CREBL2: variants seen among roughly 807,000 people sequenced by gnomAD.
CREBL2 encodes the protein cAMP responsive element binding protein like 2.
In CREBL2, 4 loss-of-function variants were observed where a neutral mutation model predicts 19.5. The observed-to-expected ratio is 0.20, with a 90% CI of 0.10 to 0.47. The LOEUF is 0.47. CREBL2 is among the 20% of genes least tolerant of loss of function. CREBL2 has a pLI of 0.98. For missense variants in CREBL2, 85 were observed against 145.1 expected (o/e 0.59, Z 2.13); for synonymous variants, 42 against 46.6 (o/e 0.90, Z 0.40).
At chr12:12,629,573 A>G (rs540291221) in intron 1 of CREBL2, among the ~76,000 whole-genome samples, 27 of 152,274 alleles carry the variant, frequency 1.8e-4, no homozygotes, top group Non-Finnish European at 3.4e-4. Flanking sequence ...TGTCACCTTC[A>G]AGGAGATAGC....
chr12:12,622,815 A>G (rs1475343706), intron 1 of CREBL2, among the ~76,000 whole-genome samples: 1 of 150,514 alleles, frequency 6.6e-6, no homozygotes, highest in Non-Finnish European at 1.5e-5. Flanking sequence ...CCACATTCAT[A>G]TTTATCTTAA....
At position 12,625,226 on chromosome 12, in the gene CREBL2, G is replaced by A. The variant is rs897702673; in HGVS notation, c.16-10551G>A. On this transcript the variant is annotated intron_variant, in intron 1 of 3. Transcript: ENST00000228865. Reference sequence around the variant, plus strand: ...TTCGGCTTGAGGATGGGGTTTTGTCGGGGACCCACCCTTTTCTGTCTAGAA... The same window carrying A: ...TTCGGCTTGAGGATGGGGTTTTGTCAGGGACCCACCCTTTTCTGTCTAGAA... 8.5e-5 allele frequency among the ~76,000 whole-genome samples: 13 copies of A among 152,198 alleles called. No homozygotes were observed. The South Asian group carries it at 1.2e-3, about 15-fold the overall frequency.
At chr12:12,617,823 G>C (rs1297618217) in intron 1 of CREBL2, among the ~76,000 whole-genome samples, 1 of 151,424 alleles carries the variant, frequency 6.6e-6, no homozygotes, top group Non-Finnish European at 1.5e-5. Context: ...GCGGCCTTCC[G>C]CTGTGTTTGT....
intron 1 of CREBL2, among the ~76,000 whole-genome samples, chr12:12,618,635 C>A: frequency 6.6e-6 from 1 of 152,202 alleles, no homozygotes; most frequent in Non-Finnish European, 1.5e-5. Context: ...GGGTGGCGGC[C>A]GGGCAGAGGC....
intron 1 of CREBL2, chr12:12,632,582 A>AAT (rs1647588031): frequency 1.3e-5 from 2 of 152,262 alleles, no homozygotes; most frequent in South Asian, 4.2e-4. Context: ...TAAAAAGAGC[A>AAT]ATATATGAGG....
intron 1 of CREBL2, among the ~76,000 whole-genome samples, chr12:12,633,000 C>G (rs1204103990): frequency 6.6e-6 from 1 of 151,350 alleles, no homozygotes; most frequent in African/African-American, 2.4e-5. Flanking sequence ...GTGGCCCGAT[C>G]TGGACCCACT....
At chr12:12,618,985 G>A (rs1379490645) in intron 1 of CREBL2, among the ~76,000 whole-genome samples, 4 of 152,160 alleles carry the variant, frequency 2.6e-5, no homozygotes, top group Admixed American at 6.5e-5. Flanking sequence ...CCGAGATGGC[G>A]GCAGTACAGT....
In CREBL2 at chr12:12,612,006, C is replaced by A. The variant is rs1945270417; in HGVS notation, c.-167C>A. ...TCCGCTCTGCCATTCCTGAACTGGT[C>A]CCTCGTCCCCGTGACTCTGGCATCA... On this transcript the variant is annotated 5_prime_UTR_variant, in exon 1 of 4. Coordinates refer to ENST00000228865, the MANE Select transcript of CREBL2 (RefSeq NM_001310.4). The A allele has an allele frequency of 6.2e-6, 5 of 803,050 alleles. No homozygotes were observed. The East Asian group carries it at 8.0e-5, about 13-fold the overall frequency. 49.7% of individuals were successfully genotyped at this position (803,050 alleles called of 1,614,324 possible).
At chr12:12,625,759 T>C (rs971533136) in intron 1 of CREBL2, among the ~76,000 whole-genome samples, 1 of 152,218 alleles carries the variant, frequency 6.6e-6, no homozygotes, top group Non-Finnish European at 1.5e-5. Flanking sequence ...AGCATTCTTG[T>C]CTATATTGAT....
chr12:12,614,467 C>CTTTTTTTTTTTTTTTTT (rs34307341), intron 1 of CREBL2: 1 of 128,512 alleles, frequency 7.8e-6, no homozygotes. Flanking sequence ...ATTTAGTTTC[C>CTTTTTTTTTTTTTTTTT]TTTTTTTTTT....
At chr12:12,616,365 G>A (rs556564284) in intron 1 of CREBL2, among the ~76,000 whole-genome samples, 10 of 152,182 alleles carry the variant, frequency 6.6e-5, no homozygotes, top group Admixed American at 1.3e-4. Context: ...CAAGCTATCC[G>A]TGAATTACTT....
At chr12:12,637,736 A>G in intron 3 of CREBL2, 22 bp downstream of exon 3, 1 of 1,592,422 alleles carries the variant, frequency 6.3e-7, no homozygotes, top group East Asian at 2.3e-5. Flanking sequence ...CAATGGGAGA[A>G]TTTATATTTA....
At position 12,623,838 on chromosome 12, in the gene CREBL2, G is replaced by A. The variant is rs529666483; in HGVS notation, c.15+11651G>A. On this transcript the variant is annotated intron_variant, in intron 1 of 3. Transcript: ENST00000228865. ...TTATCCTCCATTATGTGGATGGGCC[G>A]TAAATCCAGTGACAAGTGTCCTTAT... Among the ~76,000 whole-genome samples, 89 of 152,330 alleles carry A rather than the reference G, an allele frequency of 5.8e-4. No individual in the cohort carries two copies. The South Asian group carries it at 0.016, about 28-fold the overall frequency.
chr12:12,631,520 G>C (rs531702560), intron 1 of CREBL2, among the ~76,000 whole-genome samples: 4 of 152,300 alleles, frequency 2.6e-5, no homozygotes, highest in African/African-American at 9.6e-5. Context: ...CAGTAATTTT[G>C]TTTACCCATA....
chr12:12,637,984 G>A (rs990735991), intron 3 of CREBL2, among the ~76,000 whole-genome samples: 8 of 151,872 alleles, frequency 5.3e-5, no homozygotes, highest in Non-Finnish European at 1.0e-4. Context: ...TTGAGGCTGC[G>A]GTGAGCCATG....
At chr12:12,626,067 A>G (rs1945398859) in intron 1 of CREBL2, among the ~76,000 whole-genome samples, 1 of 152,100 alleles carries the variant, frequency 6.6e-6, no homozygotes, top group African/African-American at 2.4e-5. Context: ...CTGACCACAC[A>G]CCCTGGTTTA....
chr12:12,626,882 A>G (rs1030678606), intron 1 of CREBL2, among the ~76,000 whole-genome samples: 37 of 145,788 alleles, frequency 2.5e-4, no homozygotes, highest in African/African-American at 8.2e-4. Flanking sequence ...AAAAAAAAAA[A>G]GAAAAGAAAA....
intron 3 of CREBL2, among the ~76,000 whole-genome samples, chr12:12,641,766 A>G (rs1945524040): frequency 6.6e-6 from 1 of 152,192 alleles, no homozygotes; most frequent in African/African-American, 2.4e-5. Flanking sequence ...ACCAAAAACC[A>G]CTTCTACCCC....
At chr12:12,612,241 C>T (rs1945273388) in intron 1 of CREBL2, 54 bp downstream of exon 1, 3 of 1,612,772 alleles carry the variant, frequency 1.9e-6, no homozygotes, top group Non-Finnish European at 1.7e-6. Context: ...AATGCTAGTC[C>T]CGCGGCTGAA....
Sources: gnomAD v4.1 joint callset for allele counts (sites outside exome capture counted in the v4.1 genomes callset) on GRCh38, gnomAD v4.1.1 for gene constraint, MANE v1.5 for transcripts, NCBI Gene and HGNC (gene_info 2026-07-23, HGNC 2026-07-21) for gene names.